The following KIF3B variants were observed in gnomAD, a reference collection of about 807,000 sequenced individuals.
The protein encoded by KIF3B is kinesin-like protein KIF3B.
KIF3B carries 38 observed loss-of-function variants against 74.3 expected under a neutral mutation model. The observed-to-expected ratio is 0.51, with a 90% CI of 0.39 to 0.67. The LOEUF is 0.67. Ranked by LOEUF, KIF3B falls within the 30% of genes least tolerant of loss-of-function variation. KIF3B has a pLI of 0.00. For missense variants in KIF3B, 649 were observed against 932.0 expected (o/e 0.70, Z 3.95); for synonymous variants, 326 against 342.5 (o/e 0.95, Z 0.53).
At position 32,277,698 on chromosome 20, in the gene KIF3B, TCGCCGCCCCCGCCGCCGCCGC is replaced by T. The variant is rs2047622343; in HGVS notation, c.-125_-105del. ...AGCGGGGAATGGCTGAGCCAGGGGTTCGCCGCCCCCGCCGCCGCCGCCGCCGCCGCCGCCGCCGCCGCCGCC... is the reference window on the plus strand; with the variant it reads ...AGCGGGGAATGGCTGAGCCAGGGGTTCGCCGCCGCCGCCGCCGCCGCCGCC... On this transcript the variant is annotated 5_prime_UTR_variant, in exon 1 of 9. Coordinates refer to ENST00000375712, the MANE Select transcript of KIF3B (RefSeq NM_004798.4). 3.8e-6 allele frequency: 1 copy of T among 260,246 alleles called. No individual in the cohort carries two copies. Among genetic ancestry groups the T allele is most frequent in the Non-Finnish European group, 7.0e-6 (1 of 143,096 alleles). The allele number at this position is 260,246 out of a possible 1,614,324, so 16.1% of individuals were successfully genotyped here.
chr20:32,318,991 C>T (rs1309265838), intron 5 of KIF3B, among the ~76,000 whole-genome samples: 1 of 150,456 alleles, frequency 6.6e-6, no homozygotes, highest in Non-Finnish European at 1.5e-5. Context: ...GAGACAGTCT[C>T]GTTCTGCCAC....
At chr20:32,328,575 T>A (rs1330463973) in intron 7 of KIF3B, among the ~76,000 whole-genome samples, 2 of 150,510 alleles carry the variant, frequency 1.3e-5, no homozygotes, top group Admixed American at 6.6e-5. Context: ...ATCGTGCCAC[T>A]GCACTCCAGC....
At position 32,294,508 on chromosome 20, in the gene KIF3B, T is replaced by C. The variant is rs893256148; in HGVS notation, c.-65-15205T>C. Among the ~76,000 whole-genome samples the C allele has an allele frequency of 3.3e-5, 5 of 152,126 alleles. No homozygotes were observed. In the South Asian group the frequency reaches 1.0e-3, roughly 32 times the overall value. On this transcript the variant is annotated intron_variant, in intron 1 of 8. Transcript: ENST00000375712. Reference sequence around the variant, plus strand: ...AAAAAATACAAAGAAAGCAAAAAAATAGCCTGCAGGCGCACCACCCTAGAG... The same window carrying C: ...AAAAAATACAAAGAAAGCAAAAAAACAGCCTGCAGGCGCACCACCCTAGAG...
intron 1 of KIF3B, among the ~76,000 whole-genome samples, chr20:32,289,288 G>C (rs995393661): frequency 6.6e-6 from 1 of 150,662 alleles, no homozygotes; most frequent in African/African-American, 2.4e-5. Flanking sequence ...TCTGCCTCCT[G>C]GGTTCAAGCA....
intron 1 of KIF3B, among the ~76,000 whole-genome samples, chr20:32,289,458 C>CT (rs1186903311): frequency 6.6e-6 from 1 of 152,204 alleles, no homozygotes. Flanking sequence ...TCCCAAAGGG[C>CT]TGGGACTACA....
At chr20:32,312,361 TC>T (rs1214959544) in intron 2 of KIF3B, among the ~76,000 whole-genome samples, 1 of 151,920 alleles carries the variant, frequency 6.6e-6, no homozygotes, top group Admixed American at 6.6e-5. Context: ...CACCTCCCCC[TC>T]CCAAAGTGCT....
At chr20:32,279,872 A>G (rs1314017567) in intron 1 of KIF3B, among the ~76,000 whole-genome samples, 1 of 152,210 alleles carries the variant, frequency 6.6e-6, no homozygotes, top group Non-Finnish European at 1.5e-5. Context: ...GCTGTTATGC[A>G]GTTGTGGTTA....
At position 32,334,555 on chromosome 20, in the gene KIF3B, T is replaced by C. The variant is rs1409560021; in HGVS notation, c.*3236T>C. On this transcript the variant is annotated 3_prime_UTR_variant, in exon 9 of 9. Coordinates refer to ENST00000375712, the MANE Select transcript of KIF3B (RefSeq NM_004798.4). ...TTTCCCACTTGAGGTTGAGGCGTACTGGAGACAACACCTCAGACCATCTGA... is the reference window on the plus strand; with the variant it reads ...TTTCCCACTTGAGGTTGAGGCGTACCGGAGACAACACCTCAGACCATCTGA... 1 of 152,622 alleles carries C rather than the reference T, an allele frequency of 6.6e-6. No homozygotes were observed. The highest frequency in any genetic ancestry group is 2.4e-5 in the African/African-American group (1 of 41,426). 9.5% of individuals were successfully genotyped at this position (152,622 alleles called of 1,614,324 possible). A position where few individuals can be genotyped will look rare whatever the true frequency, so the allele number is the denominator to read the frequency against.
At chr20:32,298,464 A>G (rs1242275233) in intron 1 of KIF3B, among the ~76,000 whole-genome samples, 1 of 152,196 alleles carries the variant, frequency 6.6e-6, no homozygotes, top group African/African-American at 2.4e-5. Flanking sequence ...AGAGAATAAT[A>G]TAAGAAATAG....
At chr20:32,278,770 A>G (rs968344706) in intron 1 of KIF3B, among the ~76,000 whole-genome samples, 1 of 152,162 alleles carries the variant, frequency 6.6e-6, no homozygotes, top group Non-Finnish European at 1.5e-5. Context: ...ATAACTATTT[A>G]CAAGCATATG....
At chr20:32,308,691 G>C (rs1383485163) in intron 1 of KIF3B, among the ~76,000 whole-genome samples, 2 of 149,672 alleles carry the variant, frequency 1.3e-5, no homozygotes, top group Non-Finnish European at 3.0e-5. Context: ...GATTACAGGC[G>C]TGAGCCACTG....
At chr20:32,293,324 A>C (rs1429851006) in intron 1 of KIF3B, among the ~76,000 whole-genome samples, 1 of 151,920 alleles carries the variant, frequency 6.6e-6, no homozygotes, top group Non-Finnish European at 1.5e-5. Flanking sequence ...GCAGCTAAGC[A>C]TGGTGTCTGA....
Position 32,309,803 on chromosome 20 carries a change from C to T in KIF3B, c.26C>T (p.Ser9Leu). 1 of 1,613,494 alleles carries T rather than the reference C, an allele frequency of 6.2e-7. No homozygotes were observed. The change falls in exon 2 of 9, where the codon TCA becomes TTA. Residue 9 changes from serine to leucine, a missense_variant. Transcript: ENST00000375712. The stretch of plus-strand genomic sequence containing the variant: ...ATGTCAAAGTTGAAAAGCTCAGAGT[C>T]AGTCAGGGTGGTGGTTCGCTGTCGG... The part of the protein sequence containing the change: MSKLKSSE[S>L]VRVVVRCRPM...
At chr20:32,326,583 C>T (rs2047904717) in intron 5 of KIF3B, among the ~76,000 whole-genome samples, 188 bp from the exon 6 acceptor site, 2 of 152,176 alleles carry the variant, frequency 1.3e-5, no homozygotes, top group African/African-American at 4.8e-5. Flanking sequence ...TTGTTTCAGG[C>T]AGGAGCCAGA....
intron 5 of KIF3B, among the ~76,000 whole-genome samples, chr20:32,325,491 G>A (rs1468770399): frequency 1.3e-5 from 2 of 151,596 alleles, no homozygotes; most frequent in Non-Finnish European, 2.9e-5. Context: ...GGCCTGGCCT[G>A]TTTTTTACAT....
chr20:32,322,642 A>ATATATTTTTT (rs1569207371), intron 5 of KIF3B, among the ~76,000 whole-genome samples: 21 of 72,954 alleles, frequency 2.9e-4, no homozygotes, highest in Non-Finnish European at 4.4e-4. Flanking sequence ...ATATATTTAT[A>ATATATTTTTT]TATATATTTT....
chr20:32,283,855 C>T (rs975654753), intron 1 of KIF3B, among the ~76,000 whole-genome samples: 2 of 152,054 alleles, frequency 1.3e-5, no homozygotes, highest in Admixed American at 1.3e-4. Context: ...ATTGTCCAGG[C>T]GTCTTGGCCA....
intron 5 of KIF3B, among the ~76,000 whole-genome samples, chr20:32,323,630 G>A (rs2047888095): frequency 6.6e-6 from 1 of 152,092 alleles, no homozygotes; most frequent in Admixed American, 6.6e-5. Context: ...TGTAATCCCA[G>A]CACTTTGGGA....
chr20:32,296,831 A>G (rs753853991), intron 1 of KIF3B, among the ~76,000 whole-genome samples: 2 of 152,042 alleles, frequency 1.3e-5, no homozygotes, highest in African/African-American at 2.4e-5. Flanking sequence ...TCAACCCAAG[A>G]TGGATAATCT....
Sources: allele counts gnomAD v4.1 joint callset (sites outside exome capture counted in the v4.1 genomes callset), GRCh38; gene constraint gnomAD v4.1.1; transcripts MANE v1.5; gene names NCBI Gene and HGNC (gene_info 2026-07-23, HGNC 2026-07-21).